The following HOXD11 variants were observed in gnomAD, a reference collection of about 807,000 sequenced individuals.
HOXD11 encodes homeobox D11.
Under a neutral mutation model 23.1 loss-of-function variants are expected in HOXD11, and 16 were observed. The observed-to-expected ratio is 0.69, with a 90% CI of 0.47 to 1.05. The LOEUF (loss-of-function observed/expected upper bound fraction) is 1.05, where lower values mean the gene tolerates loss of function less well. Among genes scored for constraint, HOXD11 ranks in the 50% least tolerant of loss-of-function variants. The pLI is 0.00. For missense variants in HOXD11, 564 were observed against 495.6 expected (o/e 1.14, Z -1.31); for synonymous variants, 262 against 224.4 (o/e 1.17, Z -1.50).
Position 176,107,389 on chromosome 2 carries a change from G to T in HOXD11, c.34G>T (p.Ala12Ser). 3 of 1,612,730 alleles carry T rather than the reference G, an allele frequency of 1.9e-6. No individual in the cohort carries two copies. In the South Asian group the frequency reaches 3.3e-5, roughly 18 times the overall value. ...NDFDECGQSA[A>S]SMYLPGCAYY... ...CTTTGACGAGTGCGGCCAGAGCGCA[G>T]CCAGCATGTACCTGCCGGGCTGCGC... Residue 12 changes from alanine (A) to serine (S), a missense_variant, in exon 1 of 2, where the codon GCC becomes TCC. Ala to Ser is a moderately conservative substitution (Grantham distance 99). Transcript: ENST00000249504.
In HOXD11 at chr2:176,107,926, G is replaced by T. The variant is rs984821754; in HGVS notation, c.571G>T (p.Ala191Ser). 5 of 1,423,452 alleles carry T rather than the reference G, an allele frequency of 3.5e-6. No individual in the cohort carries two copies. In the Admixed American group the frequency reaches 1.4e-4, roughly 41 times the overall value. 88.2% of individuals were successfully genotyped at this position (1,423,452 alleles called of 1,614,324 possible). Residue 191 changes from alanine (A) to serine (S), a missense_variant, in exon 1 of 2, where the codon GCC becomes TCC. By Grantham distance (99) the Ala-to-Ser change is moderately conservative (BLOSUM62 1). Coordinates refer to ENST00000249504, the MANE Select transcript of HOXD11 (RefSeq NM_021192.3). ...CGAGGCAGCGCCCGGGCCCCCGTTC[G>T]CCGGGCCGCAGCCCCCGCCGCCACC... ...FYEAAPGPPF[A>S]GPQPPPPPAP...
Position 176,107,986 on chromosome 2 carries a change from G to A in HOXD11, c.631G>A (p.Gly211Ser), listed in dbSNP as rs1306261669. 1.3e-5 allele frequency: 19 copies of A among 1,462,418 alleles called. No homozygotes were observed. The East Asian group carries it at 3.8e-4, about 30-fold the overall frequency. The allele number at this position is 1,462,418 out of a possible 1,614,324, so 90.6% of individuals were successfully genotyped here. A position where few individuals can be genotyped will look rare whatever the true frequency, so the allele number is the denominator to read the frequency against. Residue 211 changes from glycine to serine, a missense_variant, in exon 1 of 2, where the codon GGC becomes AGC. By Grantham distance (56) the Gly-to-Ser change is moderately conservative (BLOSUM62 0). Coordinates refer to ENST00000249504, the MANE Select transcript of HOXD11 (RefSeq NM_021192.3). ...PPQPEGAADK[G>S]DPRTGAGGGG... The stretch of plus-strand genomic sequence containing the variant: ...ACAGCCCGAGGGCGCAGCCGACAAG[G>A]GCGACCCCAGGACCGGGGCTGGTGG...
Position 176,108,017 on chromosome 2 carries a change from G to A in HOXD11, c.662G>A (p.Gly221Glu). The change falls in exon 1 of 2, where the codon GGG (glycine) becomes GAG (glutamate). Residue 221 changes from glycine to glutamate, a missense_variant. Coordinates refer to ENST00000249504, the MANE Select transcript of HOXD11 (RefSeq NM_021192.3). Reference protein sequence around the residue: ...GDPRTGAGGGGGSPCTKATPG... With the variant: ...GDPRTGAGGGEGSPCTKATPG... Reference sequence around the variant, plus strand: ...CCCAGGACCGGGGCTGGTGGCGGCGGGGGCAGTCCCTGCACCAAGGCGACC... The same window carrying A: ...CCCAGGACCGGGGCTGGTGGCGGCGAGGGCAGTCCCTGCACCAAGGCGACC... 6.7e-7 allele frequency: 1 copy of A among 1,488,912 alleles called. No homozygotes were observed. The highest frequency in any genetic ancestry group is 8.9e-7 in the Non-Finnish European group (1 of 1,125,280). 92.2% of individuals were successfully genotyped at this position (1,488,912 alleles called of 1,614,324 possible). A position where few individuals can be genotyped will look rare whatever the true frequency, so the allele number is the denominator to read the frequency against.
chr2:176,111,474 C>CATTA (rs1689671454), downstream of HOXD11: 1 of 151,740 alleles, frequency 6.6e-6, no homozygotes, highest in African/African-American at 2.4e-5. Flanking sequence ...ACACTGGATT[C>CATTA]TAATAGGCGA....
At position 176,107,962 on chromosome 2, in the gene HOXD11, C is replaced by T; in HGVS notation, c.607C>T (p.Gln203Ter). 2 of 1,403,866 alleles carry T rather than the reference C, an allele frequency of 1.4e-6. No individual in the cohort carries two copies. The highest frequency in any genetic ancestry group is 3.1e-5 in the South Asian group (2 of 63,760). 87.0% of individuals were successfully genotyped at this position (1,403,866 alleles called of 1,614,324 possible). A position where few individuals can be genotyped will look rare whatever the true frequency, so the allele number is the denominator to read the frequency against. Residue 203 changes from glutamine to a stop codon, truncating the protein, a stop_gained, in exon 1 of 2, where the codon CAG becomes TAG. Coordinates refer to ENST00000249504, the MANE Select transcript of HOXD11 (RefSeq NM_021192.3). LOFTEE classifies it high-confidence loss of function. ...GCCCCCGCCGCCACCCGCGCCGCCA[C>T]AGCCCGAGGGCGCAGCCGACAAGGG... The part of the protein sequence containing the change: ...PQPPPPPAPP[Q>*]PEGAADKGDP...
chr2:176,113,986 T>C (rs1689713774), downstream of HOXD11, among the ~76,000 whole-genome samples: 1 of 152,236 alleles, frequency 6.6e-6, no homozygotes, highest in African/African-American at 2.4e-5. Context: ...TCTTCATGTA[T>C]AAATAAAGAT....
chr2:176,108,698 T>C (rs1689626009), intron 1 of HOXD11: 2 of 572,460 alleles, frequency 3.5e-6, no homozygotes, highest in East Asian at 2.9e-5. Context: ...TGTGTGTGTG[T>C]CCGGGCGTGA....
At chr2:176,108,340 A>G (rs1287419250) in intron 1 of HOXD11, among the ~76,000 whole-genome samples, 3 of 149,562 alleles carry the variant, frequency 2.0e-5, no homozygotes, top group Non-Finnish European at 4.5e-5. Flanking sequence ...GTAGACTTCG[A>G]GGAGGACATT....
At chr2:176,111,119 A>G (rs957017912), downstream of HOXD11, among the ~76,000 whole-genome samples, 5 of 152,232 alleles carry the variant, frequency 3.3e-5, no homozygotes, top group African/African-American at 1.2e-4. Flanking sequence ...TATAGTTATA[A>G]TGCTTTTAAA....
At chr2:176,111,050 C>T (rs1187099121), downstream of HOXD11, among the ~76,000 whole-genome samples, 1 of 152,126 alleles carries the variant, frequency 6.6e-6, no homozygotes, top group East Asian at 1.9e-4. Flanking sequence ...AATTTGAAAG[C>T]AATTTGCCAC....
chr2:176,107,429 C>A lies in HOXD11; in HGVS notation c.74C>A (p.Pro25Gln), dbSNP rs757406284. The change falls in exon 1 of 2, where the codon CCG (proline) becomes CAG (glutamine). Residue 25 changes from proline (P) to glutamine (Q), a missense_variant. Pro to Gln is a moderately conservative substitution (Grantham distance 76). Transcript: ENST00000249504. Reference protein sequence around the residue: ...YLPGCAYYVAPSDFASKPSFL... With the variant: ...YLPGCAYYVAQSDFASKPSFL... ...CCGGGCTGCGCCTACTATGTGGCCC[C>A]GTCTGACTTCGCTAGCAAGCCTTCG... 9 of 1,613,768 alleles carry A rather than the reference C, an allele frequency of 5.6e-6. No homozygotes were observed. In the African/African-American group the frequency reaches 9.3e-5, roughly 17 times the overall value.
rs909642819 is a variant in HOXD11 at position 176,109,415 on chromosome 2, C to T, written c.*273C>T. The stretch of plus-strand genomic sequence containing the variant: ...GCCAGTGTGCTGTCGTTCCCCCTCC[C>T]CCTCTCCGAGTCCTCGTGGGGACAC... On this transcript the variant is annotated 3_prime_UTR_variant, in exon 2 of 2. Transcript: ENST00000249504. 13 of 401,698 alleles carry T rather than the reference C, an allele frequency of 3.2e-5. No homozygotes were observed. The highest frequency in any genetic ancestry group is 5.0e-5 in the Non-Finnish European group (11 of 221,548). 24.9% of individuals were successfully genotyped at this position (401,698 alleles called of 1,614,324 possible). A position where few individuals can be genotyped will look rare whatever the true frequency, so the allele number is the denominator to read the frequency against.
In HOXD11 at chr2:176,109,214, C is replaced by T; in HGVS notation, c.*72C>T. ...TTCCCACCAGCCTGCTCTCCGCAGG[C>T]CCACTGTCCTTGGGTTTAATGACGT... On this transcript the variant is annotated 3_prime_UTR_variant, in exon 2 of 2. Transcript: ENST00000249504. The T allele has an allele frequency of 2.2e-6, 2 of 908,360 alleles. No individual in the cohort carries two copies. The highest frequency in any genetic ancestry group is 2.4e-5 in the East Asian group (1 of 41,658). The allele number at this position is 908,360 out of a possible 1,614,324, so 56.3% of individuals were successfully genotyped here. A position where few individuals can be genotyped will look rare whatever the true frequency, so the allele number is the denominator to read the frequency against.
intron 1 of HOXD11, 125 bp from the exon 2 acceptor site, chr2:176,108,782 G>A (rs1689627565): frequency 1.5e-6 from 1 of 649,816 alleles, no homozygotes; most frequent in African/African-American, 1.9e-5. Context: ...AGGGCCTTTC[G>A]GCCGCGGCAG....
chr2:176,109,332 C>G lies in HOXD11; in HGVS notation c.*190C>G. 1.7e-6 allele frequency: 1 copy of G among 580,354 alleles called. No individual in the cohort carries two copies. Among genetic ancestry groups the G allele is most frequent in the Non-Finnish European group, 3.1e-6 (1 of 326,148 alleles). The allele number at this position is 580,354 out of a possible 1,614,324, so 36.0% of individuals were successfully genotyped here. A position where few individuals can be genotyped will look rare whatever the true frequency, so the allele number is the denominator to read the frequency against. Reference sequence around the variant, plus strand: ...CCTGCGGACGAGGCCGGGACTTGGCCGAGCGGATCCTAATAAGGGGAAAAT... The same window carrying G: ...CCTGCGGACGAGGCCGGGACTTGGCGGAGCGGATCCTAATAAGGGGAAAAT... On this transcript the variant is annotated 3_prime_UTR_variant, in exon 2 of 2. Transcript: ENST00000249504.
Position 176,109,498 on chromosome 2 carries a change from T to A in HOXD11, c.*356T>A. On this transcript the variant is annotated 3_prime_UTR_variant, in exon 2 of 2. Coordinates refer to ENST00000249504, the MANE Select transcript of HOXD11 (RefSeq NM_021192.3). Reference sequence around the variant, plus strand: ...GGGTTGCTAGAAGGCGCTGGTGTTTTGCTCTGAGTTTTAAGAGATCCCTTC... The same window carrying A: ...GGGTTGCTAGAAGGCGCTGGTGTTTAGCTCTGAGTTTTAAGAGATCCCTTC... The A allele has an allele frequency of 3.4e-6, 1 of 295,630 alleles. No individual in the cohort carries two copies. The highest frequency in any genetic ancestry group is 6.4e-6 in the Non-Finnish European group (1 of 157,256). 18.3% of individuals were successfully genotyped at this position (295,630 alleles called of 1,614,324 possible).
rs1475215872 is a variant in HOXD11, at chr2:176,107,381, A to G, written c.26A>G (p.Gln9Arg). Reference sequence around the variant, plus strand: ...ATGAACGACTTTGACGAGTGCGGCCAGAGCGCAGCCAGCATGTACCTGCCG... The same window carrying G: ...ATGAACGACTTTGACGAGTGCGGCCGGAGCGCAGCCAGCATGTACCTGCCG... MNDFDECG[Q>R]SAASMYLPGC... Residue 9 changes from glutamine (Q) to arginine (R), a missense_variant, in exon 1 of 2, where the codon CAG (glutamine) becomes CGG (arginine). Transcript: ENST00000249504. The G allele has an allele frequency of 1.2e-6, 2 of 1,611,346 alleles. No homozygotes were observed. The highest frequency in any genetic ancestry group is 1.1e-5 in the South Asian group (1 of 90,636).
downstream of HOXD11, among the ~76,000 whole-genome samples, chr2:176,112,579 G>A (rs1352062835): frequency 6.6e-6 from 1 of 152,208 alleles, no homozygotes; most frequent in Admixed American, 6.5e-5. Flanking sequence ...AACGAGTGGC[G>A]TGGGTGTTCC....
Position 176,107,926 on chromosome 2 carries a change from G to C in HOXD11, c.571G>C (p.Ala191Pro), listed in dbSNP as rs984821754. Reference protein sequence around the residue: ...FYEAAPGPPFAGPQPPPPPAP... With the variant: ...FYEAAPGPPFPGPQPPPPPAP... ...CGAGGCAGCGCCCGGGCCCCCGTTCGCCGGGCCGCAGCCCCCGCCGCCACC... is the reference window on the plus strand; with the variant it reads ...CGAGGCAGCGCCCGGGCCCCCGTTCCCCGGGCCGCAGCCCCCGCCGCCACC... The change falls in exon 1 of 2, where the codon GCC (alanine) becomes CCC (proline). Residue 191 changes from alanine to proline, a missense_variant. Ala to Pro is a conservative substitution (Grantham distance 27). Coordinates refer to ENST00000249504, the MANE Select transcript of HOXD11 (RefSeq NM_021192.3). The C allele has an allele frequency of 9.1e-6, 13 of 1,423,560 alleles. No individual in the cohort carries two copies. In the African/African-American group the frequency reaches 1.5e-4, roughly 16 times the overall value. The allele number at this position is 1,423,560 out of a possible 1,614,324, so 88.2% of individuals were successfully genotyped here. A position where few individuals can be genotyped will look rare whatever the true frequency, so the allele number is the denominator to read the frequency against.
Sources: gnomAD v4.1 joint callset for allele counts (sites outside exome capture counted in the v4.1 genomes callset) on GRCh38, gnomAD v4.1.1 for gene constraint, MANE v1.5 for transcripts, NCBI Gene and HGNC (gene_info 2026-07-23, HGNC 2026-07-21) for gene names.